Variants in LRRC63 observed in about 807,000 individuals in gnomAD.
The protein encoded by LRRC63 is leucine rich repeat containing 63.
A neutral mutation model predicts 49.5 loss-of-function variants in LRRC63; 40 were observed. The observed-to-expected ratio is 0.81, with a 90% confidence interval of 0.63 to 1.05. LRRC63 has a LOEUF of 1.05. Ranked by LOEUF, LRRC63 falls within the 50% of genes least tolerant of loss-of-function variation. The probability of loss-of-function intolerance (pLI) is 0.00; values close to 1 mark genes in which losing one functional copy is unlikely to be tolerated. For missense variants in LRRC63, 636 were observed against 663.1 expected (o/e 0.96, Z 0.45); for synonymous variants, 191 against 221.1 (o/e 0.86, Z 1.21).
intron 5 of LRRC63, among the ~76,000 whole-genome samples, chr13:46,246,082 G>A (rs887869624): frequency 6.6e-6 from 1 of 152,096 alleles, no homozygotes; most frequent in Non-Finnish European, 1.5e-5. Context: ...AGATCTGTTA[G>A]TTTCAAAGTG....
chr13:46,261,351 G>T (rs181279719), intron 7 of LRRC63, among the ~76,000 whole-genome samples: 2 of 152,236 alleles, frequency 1.3e-5, no homozygotes, highest in East Asian at 3.9e-4. Context: ...CTTGGATAAG[G>T]GTGAGCCCCA....
At chr13:46,234,421 A>G in intron 5 of LRRC63, 72 bp downstream of exon 5, 1 of 1,426,428 alleles carries the variant, frequency 7.0e-7, no homozygotes, top group Non-Finnish European at 9.4e-7. Flanking sequence ...TTCCCAATAT[A>G]GATTAGTTTC....
intron 9 of LRRC63, among the ~76,000 whole-genome samples, chr13:46,269,223 A>AT (rs1555330030): frequency 2.6e-5 from 4 of 151,792 alleles, no homozygotes; most frequent in East Asian, 1.9e-4. Flanking sequence ...AAAAAAAAAA[A>AT]CCCTAACATA....
intron 6 of LRRC63, 81 bp from the exon 7 acceptor site, chr13:46,250,274 G>A: frequency 8.2e-7 from 1 of 1,213,422 alleles, no homozygotes; most frequent in Non-Finnish European, 1.1e-6. Flanking sequence ...CATTAGTTCA[G>A]AGAGTTTATA....
intron 2 of LRRC63, among the ~76,000 whole-genome samples, chr13:46,221,910 GC>G (rs1317276525): frequency 6.6e-6 from 1 of 152,166 alleles, no homozygotes; most frequent in African/African-American, 2.4e-5. Context: ...ACATGGAATG[GC>G]TAGGCTGAGA....
exon 10 of LRRC63, chr13:46,277,086 T>C (rs993449889): frequency 6.6e-6 from 1 of 151,796 alleles, no homozygotes; most frequent in Non-Finnish European, 1.5e-5. Flanking sequence ...AGTAAAGCCT[T>C]TAGATTTGAA....
chr13:46,248,014 A>G (rs144601540), intron 6 of LRRC63, among the ~76,000 whole-genome samples: 2,324 of 152,196 alleles, frequency 0.015, 75 homozygotes, highest in African/African-American at 0.052. Flanking sequence ...TTGAATATGT[A>G]TGAAGAACAT....
chr13:46,221,260 G>T (rs571611500), intron 2 of LRRC63, among the ~76,000 whole-genome samples: 5 of 152,288 alleles, frequency 3.3e-5, no homozygotes, highest in Admixed American at 2.0e-4. Context: ...ATTTGAATTG[G>T]TTGATAAGAG....
intron 7 of LRRC63, among the ~76,000 whole-genome samples, chr13:46,257,312 A>G (rs1401305846): frequency 1.3e-5 from 2 of 152,230 alleles, no homozygotes; most frequent in Admixed American, 1.3e-4. Context: ...CCAGATAGCA[A>G]TGCAGTCCTG....
intron 5 of LRRC63, among the ~76,000 whole-genome samples, chr13:46,239,073 A>G (rs1170865290): frequency 6.6e-6 from 1 of 152,224 alleles, no homozygotes; most frequent in Non-Finnish European, 1.5e-5. Context: ...CAAAACCAAA[A>G]GAATTAGAGA....
intron 2 of LRRC63, among the ~76,000 whole-genome samples, chr13:46,213,912 G>A (rs1012442931): frequency 1.3e-5 from 2 of 152,150 alleles, no homozygotes; most frequent in African/African-American, 4.8e-5. Flanking sequence ...TATTTAGTGA[G>A]CAAAAACAGA....
At chr13:46,258,949 G>A (rs1367285099) in intron 7 of LRRC63, among the ~76,000 whole-genome samples, 5 of 151,610 alleles carry the variant, frequency 3.3e-5, no homozygotes, top group Non-Finnish European at 7.4e-5. Context: ...ACAATTGATT[G>A]TTTCAATATA....
chr13:46,264,052 T>C (rs1439897310), intron 8 of LRRC63, among the ~76,000 whole-genome samples: 1 of 152,226 alleles, frequency 6.6e-6, no homozygotes, highest in African/African-American at 2.4e-5. Flanking sequence ...CACAGTAGCC[T>C]CCATCATTGT....
At chr13:46,255,921 T>C (rs1420171877) in intron 7 of LRRC63, among the ~76,000 whole-genome samples, 1 of 152,138 alleles carries the variant, frequency 6.6e-6, no homozygotes, top group Non-Finnish European at 1.5e-5. Context: ...CATAGACTTA[T>C]TTCACCTGTT....
intron 4 of LRRC63, among the ~76,000 whole-genome samples, chr13:46,231,107 G>A (rs569299575): frequency 1.3e-5 from 2 of 152,160 alleles, no homozygotes; most frequent in African/African-American, 2.4e-5. Flanking sequence ...TGGTCATGCT[G>A]TTTACCTAGT....
chr13:46,262,380 TTATC>T lies in LRRC63; in HGVS notation c.1310+392_1310+395del, dbSNP rs368294433. Among the ~76,000 whole-genome samples the T allele has an allele frequency of 8.2e-4, 125 of 152,316 alleles. 2 individuals carry two copies. Among genetic ancestry groups the T allele is most frequent in the African/African-American group, 2.6e-3 (108 of 41,596 alleles). On this transcript the variant is annotated intron_variant, in intron 8 of 9. Coordinates refer to ENST00000595396, the Ensembl canonical transcript of LRRC63. ...TCTAACATTAATAAAAGTCTGAAGTTTATCTATGTCCTTCTAGGTCAGTACTATA... is the reference window on the plus strand; with the variant it reads ...TCTAACATTAATAAAAGTCTGAAGTTTATGTCCTTCTAGGTCAGTACTATA...
intron 5 of LRRC63, among the ~76,000 whole-genome samples, chr13:46,242,430 A>G (rs1282997850): frequency 6.6e-6 from 1 of 152,190 alleles, no homozygotes; most frequent in Non-Finnish European, 1.5e-5. Context: ...AAGTTTTCCT[A>G]TATAATAAAC....
intron 2 of LRRC63, among the ~76,000 whole-genome samples, chr13:46,223,531 C>A (rs1250276319): frequency 7.0e-6 from 1 of 142,302 alleles, no homozygotes; most frequent in Non-Finnish European, 1.5e-5. Context: ...TCACCTCATT[C>A]TCTTTTAGCC....
intron 2 of LRRC63, among the ~76,000 whole-genome samples, chr13:46,219,909 T>C (rs1343566401): frequency 1.3e-5 from 2 of 152,184 alleles, no homozygotes; most frequent in African/African-American, 4.8e-5. Flanking sequence ...CCAGACCCTG[T>C]TTGCCTGGGT....
Sources: gnomAD v4.1 joint callset for allele counts (sites outside exome capture counted in the v4.1 genomes callset) on GRCh38, gnomAD v4.1.1 for gene constraint, MANE v1.5 for transcripts, NCBI Gene and HGNC (gene_info 2026-07-23, HGNC 2026-07-21) for gene names.